EXOSC9: variants seen among roughly 807,000 people sequenced by gnomAD.
EXOSC9 encodes exosome complex component RRP45.
EXOSC9 carries 38 observed loss-of-function variants against 56.5 expected under a neutral mutation model. That is an observed-to-expected ratio of 0.67 (90% CI 0.52 to 0.88). EXOSC9 has a LOEUF of 0.88. EXOSC9 is among the 40% of genes least tolerant of loss of function. EXOSC9 has a pLI of 0.00. For synonymous variants in EXOSC9, 170 were observed against 170.8 expected, an observed-to-expected ratio of 0.99 and a Z score of 0.04; for missense variants, 559 against 530.5, an observed-to-expected ratio of 1.05 and a Z score of -0.53.
chr4:121,802,726 A>G lies in EXOSC9; in HGVS notation c.214A>G (p.Thr72Ala), dbSNP rs373910984. The stretch of plus-strand genomic sequence containing the variant: ...TGTGTCTCCAAAACTCAATCGGGCA[A>G]CAGAAGGTATTCTTTTTTTTAACCT... ...ELVSPKLNRA[T>A]EGILFFNLEL... Residue 72 changes from threonine (T) to alanine (A), a missense_variant, in exon 3 of 12, where the codon ACA becomes GCA. Coordinates refer to ENST00000243498, the MANE Select transcript of EXOSC9 (RefSeq NM_005033.3). The G allele has an allele frequency of 3.7e-6, 6 of 1,613,984 alleles. No homozygotes were observed. The African/African-American group carries it at 6.7e-5, about 18-fold the overall frequency.
chr4:121,807,320 A>G (rs1046265942), intron 5 of EXOSC9, among the ~76,000 whole-genome samples: 1 of 152,170 alleles, frequency 6.6e-6, no homozygotes, highest in Admixed American at 6.5e-5. Context: ...TATGGGATGT[A>G]AATTATGTGT....
At position 121,816,776 on chromosome 4, in the gene EXOSC9, C is replaced by T. The variant is rs1368783513; in HGVS notation, c.1240C>T (p.Gln414Ter). The T allele has an allele frequency of 6.3e-7, 1 of 1,592,864 alleles. No homozygotes were observed. Among genetic ancestry groups the T allele is most frequent in the Non-Finnish European group, 8.5e-7 (1 of 1,171,236 alleles). The change falls in exon 12 of 12, where the codon CAG (glutamine) becomes TAG (stop). Residue 414 changes from glutamine to a stop codon, truncating the protein, a stop_gained. Transcript: ENST00000243498. LOFTEE classifies it high-confidence loss of function. The part of the protein sequence containing the change: ...PDKNPKKIRT[Q>*]TTSAKQEKAP... ...CTTACTTTGCTTTATTCACAGAACA[C>T]AGACCACCAGTGCAAAACAAGAAAA...
At chr4:121,801,588 G>A in intron 1 of EXOSC9, 98 bp downstream of exon 1, 3 of 1,129,678 alleles carry the variant, frequency 2.7e-6, no homozygotes, top group Admixed American at 3.5e-5. Flanking sequence ...GAGCTACTAG[G>A]GGAACGACCG....
chr4:121,816,652 C>A (rs923213947), intron 11 of EXOSC9, 120 bp from the exon 12 acceptor site: 3 of 1,017,096 alleles, frequency 2.9e-6, no homozygotes, highest in African/African-American at 3.4e-5. Flanking sequence ...TTCTTGGATG[C>A]CAGTCTTACT....
chr4:121,807,484 T>C, intron 5 of EXOSC9, 56 bp from the exon 6 acceptor site: 1 of 1,034,302 alleles, frequency 9.7e-7, no homozygotes, highest in Non-Finnish European at 1.5e-6. Context: ...AAGATGATTT[T>C]TTTGGATGTT....
chr4:121,801,810 T>C lies in EXOSC9; in HGVS notation c.67-17T>C. On this transcript the variant is annotated splice_polypyrimidine_tract_variant and intron_variant, in intron 1 of 11. Coordinates refer to ENST00000243498, the MANE Select transcript of EXOSC9 (RefSeq NM_005033.3). ...CTTGTTGAAGGAATAAATTAATGAA[T>C]GAATTTGTGCTTACAGCGGCTGGAT... 1 of 1,597,062 alleles carries C rather than the reference T, an allele frequency of 6.3e-7. No homozygotes were observed.
At position 121,809,979 on chromosome 4, in the gene EXOSC9, G is replaced by T; in HGVS notation, c.618G>T (p.Leu206Phe). 6.2e-7 allele frequency: 1 copy of T among 1,614,036 alleles called. No individual in the cohort carries two copies. Among genetic ancestry groups the T allele is most frequent in the Non-Finnish European group, 8.5e-7 (1 of 1,179,958 alleles). Residue 206 changes from leucine (L) to phenylalanine (F), a missense_variant, in exon 7 of 12, where the codon TTG becomes TTT. Transcript: ENST00000243498. The stretch of plus-strand genomic sequence containing the variant: ...ACATTCATTTCAGAACATATTTATT[G>T]GTGGATCCCAATGAACGAGAAGAAC... ...FAFFQQGTYL[L>F]VDPNEREERV...
At chr4:121,815,884 A>G in intron 10 of EXOSC9, 7 of 1,158,340 alleles carry the variant, frequency 6.0e-6, no homozygotes, top group Non-Finnish European at 7.4e-6. Flanking sequence ...TGTAGGAAAT[A>G]AGAGTTTAAA....
At position 121,813,222 on chromosome 4, in the gene EXOSC9, C is replaced by T. The variant is rs376147621; in HGVS notation, c.828-12C>T. ...CCCCCTTCCTTCCCACCAAAAAAAC[C>T]CCCACATACAGGAAAGAAGGTGGAA... On this transcript the variant is annotated splice_polypyrimidine_tract_variant and intron_variant, in intron 8 of 11. Coordinates refer to ENST00000243498, the MANE Select transcript of EXOSC9 (RefSeq NM_005033.3). 4 of 1,594,694 alleles carry T rather than the reference C, an allele frequency of 2.5e-6. No homozygotes were observed. The African/African-American group carries it at 4.0e-5, about 16-fold the overall frequency.
At chr4:121,813,831 A>G (rs777409439) in intron 9 of EXOSC9, 35 bp from the exon 10 acceptor site, 4 of 1,456,154 alleles carry the variant, frequency 2.7e-6, no homozygotes, top group East Asian at 2.3e-5. Context: ...TCAAATAGCA[A>G]TATTTTTGTT....
At chr4:121,813,692 T>G (rs947879880) in intron 9 of EXOSC9, 174 bp from the exon 10 acceptor site, 15 of 534,216 alleles carry the variant, frequency 2.8e-5, no homozygotes, top group Middle Eastern at 4.9e-4. Context: ...TTGCCTGAGT[T>G]TTTTTTCTTC....
intron 6 of EXOSC9, among the ~76,000 whole-genome samples, chr4:121,808,779 G>T (rs1727121084): frequency 6.6e-6 from 1 of 150,976 alleles, no homozygotes; most frequent in Admixed American, 6.6e-5. Flanking sequence ...TCAGGCTCAA[G>T]TGATTCTCCT....
At chr4:121,811,469 T>C in intron 7 of EXOSC9, 114 bp from the exon 8 acceptor site, 1 of 556,770 alleles carries the variant, frequency 1.8e-6, no homozygotes, top group Non-Finnish European at 3.1e-6. Flanking sequence ...GTATTCATGT[T>C]TGGAAAAGTC....
chr4:121,802,034 G>C, intron 2 of EXOSC9, 113 bp downstream of exon 2: 1 of 752,602 alleles, frequency 1.3e-6, no homozygotes, highest in South Asian at 1.7e-5. Flanking sequence ...TCTTTGTTTA[G>C]CTGACAAAAA....
chr4:121,814,231 A>C, intron 10 of EXOSC9, 184 bp downstream of exon 10: 1 of 392,224 alleles, frequency 2.5e-6, no homozygotes, highest in Non-Finnish European at 4.6e-6. Context: ...ATATAGAGAG[A>C]ATATAGATAT....
chr4:121,805,379 G>A (rs1190778846), intron 5 of EXOSC9, among the ~76,000 whole-genome samples: 1 of 152,170 alleles, frequency 6.6e-6, no homozygotes, highest in African/African-American at 2.4e-5. Flanking sequence ...CTTTTGTTCT[G>A]AGTATGTCAG....
Position 121,811,671 on chromosome 4 carries a change from G to T in EXOSC9, c.827G>T (p.Arg276Met). Residue 276 changes from arginine to methionine, a missense_variant and splice_region_variant, in exon 8 of 12, where the codon AGG (arginine) becomes ATG (methionine). By Grantham distance (91) the Arg-to-Met change is moderately conservative. Coordinates refer to ENST00000243498, the MANE Select transcript of EXOSC9 (RefSeq NM_005033.3). The stretch of plus-strand genomic sequence containing the variant: ...GCTTTGGAGAATGACCAAAAAGTAA[G>T]GTAAGTAACTTTTCCAGAACTAAGT... ...LKALENDQKV[R>M]KEGGKFGFAE... The T allele has an allele frequency of 6.7e-7, 1 of 1,500,132 alleles. No individual in the cohort carries two copies. Among genetic ancestry groups the T allele is most frequent in the South Asian group, 1.3e-5 (1 of 75,450 alleles). The allele number at this position is 1,500,132 out of a possible 1,614,324, so 92.9% of individuals were successfully genotyped here. A position where few individuals can be genotyped will look rare whatever the true frequency, so the allele number is the denominator to read the frequency against.
chr4:121,816,904 A>G lies in EXOSC9; in HGVS notation c.*48A>G. 6.9e-7 allele frequency: 1 copy of G among 1,446,636 alleles called. No homozygotes were observed. The highest frequency in any genetic ancestry group is 9.2e-7 in the Non-Finnish European group (1 of 1,083,884). 89.6% of individuals were successfully genotyped at this position (1,446,636 alleles called of 1,614,324 possible). A position where few individuals can be genotyped will look rare whatever the true frequency, so the allele number is the denominator to read the frequency against. On this transcript the variant is annotated 3_prime_UTR_variant, in exon 12 of 12. Coordinates refer to ENST00000243498, the MANE Select transcript of EXOSC9 (RefSeq NM_005033.3). ...TATATAACTATTAAAAGGGATATTT[A>G]TTCCATTCTGAGAACCCTGGGTATT...
chr4:121,811,537 A>G, intron 7 of EXOSC9, 46 bp from the exon 8 acceptor site: 2 of 1,117,918 alleles, frequency 1.8e-6, no homozygotes, highest in Non-Finnish European at 2.6e-6. Context: ...AGAGAAAACT[A>G]TTTGGTTTAT....
Sources: allele counts gnomAD v4.1 joint callset (sites outside exome capture counted in the v4.1 genomes callset), GRCh38; gene constraint gnomAD v4.1.1; transcripts MANE v1.5; gene names NCBI Gene and HGNC (gene_info 2026-07-23, HGNC 2026-07-21).